Variants in PPP1R12B observed in about 807,000 individuals in gnomAD.
The protein encoded by PPP1R12B is myosin phosphatase target subunit 2.
In PPP1R12B, 76 loss-of-function variants were observed where a neutral mutation model predicts 126.1. The observed-to-expected ratio is 0.60, with a 90% CI of 0.50 to 0.73. PPP1R12B has a LOEUF of 0.73. PPP1R12B is among the 30% of genes least tolerant of loss of function. The probability of loss-of-function intolerance (pLI) is 0.00; values close to 1 mark genes in which losing one functional copy is unlikely to be tolerated. For synonymous variants in PPP1R12B, 356 were observed against 434.7 expected, an observed-to-expected ratio of 0.82 and a Z score of 2.25; for missense variants, 1,052 against 1,205.1, an observed-to-expected ratio of 0.87 and a Z score of 1.88.
intron 13 of PPP1R12B, among the ~76,000 whole-genome samples, chr1:202,487,092 G>A (rs1279918705): frequency 6.6e-6 from 1 of 152,054 alleles, no homozygotes; most frequent in Non-Finnish European, 1.5e-5. Flanking sequence ...GGTACATCTT[G>A]ACCAAGTTGA....
At chr1:202,517,752 A>T (rs1332678942) in intron 18 of PPP1R12B, among the ~76,000 whole-genome samples, 1 of 151,902 alleles carries the variant, frequency 6.6e-6, no homozygotes, top group Non-Finnish European at 1.5e-5. Context: ...CAGCCTCTCA[A>T]GTAGCTGGGA....
At chr1:202,479,187 C>T (rs1460572286) in intron 13 of PPP1R12B, among the ~76,000 whole-genome samples, 1 of 152,004 alleles carries the variant, frequency 6.6e-6, no homozygotes, top group Non-Finnish European at 1.5e-5. Flanking sequence ...TATTGACACA[C>T]GTATTGGAAT....
At chr1:202,400,659 A>G (rs1665681131) in intron 1 of PPP1R12B, among the ~76,000 whole-genome samples, 1 of 152,248 alleles carries the variant, frequency 6.6e-6, no homozygotes, top group Admixed American at 6.5e-5. Context: ...ATAATAGCTA[A>G]CAGCAATATG....
chr1:202,531,900 G>A (rs1371384400), intron 18 of PPP1R12B, among the ~76,000 whole-genome samples: 1 of 152,188 alleles, frequency 6.6e-6, no homozygotes, highest in East Asian at 1.9e-4. Context: ...AGGGTTCTTA[G>A]ATCTCACGCA....
At position 202,562,827 on chromosome 1, in the gene PPP1R12B, C is replaced by G. The variant is rs780392889; in HGVS notation, c.2557C>G (p.Arg853Gly). The change falls in exon 20 of 24, where the codon CGG (arginine) becomes GGG (glycine). Residue 853 changes from arginine (R) to glycine (G), a missense_variant. Coordinates refer to ENST00000608999, the MANE Select transcript of PPP1R12B (RefSeq NM_002481.4). ...TACAACCAGTGATTCTTACGGTGAC[C>G]GGGCTTCAGCAAGAGCCCGTCGGGA... is the stretch of plus-strand genomic sequence containing the variant. ...NPTTSDSYGDRASARARREAR... is the reference protein window; with the variant it reads ...NPTTSDSYGDGASARARREAR... 1.9e-6 allele frequency: 3 copies of G among 1,613,028 alleles called. No homozygotes were observed. The highest frequency in any genetic ancestry group is 1.6e-4 in the Middle Eastern group (1 of 6,082).
At chr1:202,465,914 GAGAACTAAATTTCTTTA>G (rs1034757092) in intron 13 of PPP1R12B, among the ~76,000 whole-genome samples, 1 of 152,138 alleles carries the variant, frequency 6.6e-6, no homozygotes, top group Admixed American at 6.5e-5. Flanking sequence ...AGAATCCTTT[GAGAACTAAATTTCTTTA>G]TAATGAAACT....
chr1:202,401,361 A>ATTTTT (rs34810265), intron 1 of PPP1R12B, among the ~76,000 whole-genome samples: 1,284 of 71,496 alleles, frequency 0.018, 96 homozygotes, highest in Middle Eastern at 0.032. Context: ...GGCTAATTTA[A>ATTTTT]TTTTTTTTTT....
chr1:202,433,466 C>G (rs1398611142), intron 8 of PPP1R12B, among the ~76,000 whole-genome samples: 4 of 152,222 alleles, frequency 2.6e-5, no homozygotes, highest in African/African-American at 4.8e-5. Context: ...CTCACTCTAT[C>G]TTTGCCTACA....
chr1:202,448,842 A>T (rs1413185770), intron 12 of PPP1R12B, 147 bp from the exon 13 acceptor site: 1 of 804,004 alleles, frequency 1.2e-6, no homozygotes, highest in African/African-American at 1.7e-5. Flanking sequence ...CCAAGCTGTA[A>T]GAGCTCAAAA....
intron 11 of PPP1R12B, 142 bp downstream of exon 11, chr1:202,440,930 A>C: frequency 1.6e-6 from 1 of 630,612 alleles, no homozygotes; most frequent in Non-Finnish European, 2.8e-6. Context: ...TGCTTAGAAC[A>C]CCTCTCAACT....
intron 18 of PPP1R12B, among the ~76,000 whole-genome samples, chr1:202,550,565 G>GA (rs1686202677): frequency 6.6e-6 from 1 of 151,624 alleles, no homozygotes; most frequent in African/African-American, 2.4e-5. Flanking sequence ...TTGAGGCTGT[G>GA]TTTTTTTTTA....
At chr1:202,359,685 T>TGGGGGTGGGGGGC (rs1657808540) in intron 1 of PPP1R12B, among the ~76,000 whole-genome samples, 1 of 8,104 alleles carries the variant, frequency 1.2e-4, no homozygotes, top group Non-Finnish European at 2.5e-4. Flanking sequence ...CGGTGGGGGG[T>TGGGGGTGGGGGGC]GGGGGTGGGG....
At chr1:202,397,348 T>G (rs1334889096) in intron 1 of PPP1R12B, among the ~76,000 whole-genome samples, 2 of 152,230 alleles carry the variant, frequency 1.3e-5, no homozygotes, top group Non-Finnish European at 2.9e-5. Flanking sequence ...TTTGTTTTTC[T>G]TTTCTCTTCT....
At chr1:202,559,908 C>T (rs189418606) in intron 19 of PPP1R12B, among the ~76,000 whole-genome samples, 60 of 152,016 alleles carry the variant, frequency 3.9e-4, no homozygotes, top group Admixed American at 2.7e-3. Context: ...AAACTTTTTC[C>T]CACAGACTTC....
At chr1:202,460,109 G>A (rs1261223726) in intron 13 of PPP1R12B, among the ~76,000 whole-genome samples, 3 of 152,162 alleles carry the variant, frequency 2.0e-5, no homozygotes, top group African/African-American at 4.8e-5. Context: ...GTCTGACTTT[G>A]ATTCTTTTGT....
chr1:202,426,355 A>C (rs2148649157), intron 4 of PPP1R12B, among the ~76,000 whole-genome samples: 1 of 152,302 alleles, frequency 6.6e-6, no homozygotes, highest in South Asian at 2.1e-4. Context: ...TAGGTATAGC[A>C]GTGTTTTGGT....
intron 1 of PPP1R12B, among the ~76,000 whole-genome samples, chr1:202,371,810 TTTG>T (rs1271769286): frequency 1.3e-5 from 2 of 151,932 alleles, no homozygotes; most frequent in African/African-American, 2.4e-5. Context: ...AAGAAGTTTT[TTTG>T]TTGTTATGTT....
chr1:202,502,182 T>C, intron 18 of PPP1R12B: 1 of 984,670 alleles, frequency 1.0e-6, no homozygotes, highest in Non-Finnish European at 1.2e-6. Context: ...AGGTCTGGAT[T>C]ACTAGTCATC....
At chr1:202,528,085 G>T (rs805955) in intron 18 of PPP1R12B, among the ~76,000 whole-genome samples, 152,299 of 152,310 alleles carry the variant, frequency 1, 76,144 homozygotes, top group Middle Eastern at 1. Context: ...ACTCTCAGTC[G>T]GTATTATGAC....
Sources: allele counts gnomAD v4.1 joint callset (sites outside exome capture counted in the v4.1 genomes callset), GRCh38; gene constraint gnomAD v4.1.1; transcripts MANE v1.5; gene names NCBI Gene and HGNC (gene_info 2026-07-23, HGNC 2026-07-21).